The following VAV3 variants were observed in gnomAD, a reference collection of about 807,000 sequenced individuals.
VAV3 encodes vav guanine nucleotide exchange factor 3.
Under a neutral mutation model 131.2 loss-of-function variants are expected in VAV3, and 94 were observed. The ratio of observed to expected loss-of-function variants is 0.72; its 90% confidence interval spans 0.61 to 0.85. The LOEUF (loss-of-function observed/expected upper bound fraction) is 0.85, where lower values mean the gene tolerates loss of function less well. Among genes scored for constraint, VAV3 ranks in the 40% least tolerant of loss-of-function variants. The probability of loss-of-function intolerance (pLI) is 0.00; values close to 1 mark genes in which losing one functional copy is unlikely to be tolerated. For synonymous variants in VAV3, 349 were observed against 342.0 expected, an observed-to-expected ratio of 1.02 and a Z score of -0.22; for missense variants, 939 against 1,002.7, an observed-to-expected ratio of 0.94 and a Z score of 0.86.
intron 2 of VAV3, among the ~76,000 whole-genome samples, chr1:107,868,654 T>C (rs892580594): frequency 1.3e-5 from 2 of 152,142 alleles, no homozygotes; most frequent in East Asian, 1.9e-4. Context: ...TGCTGCAAAA[T>C]AGGTTCTGGG....
intron 19 of VAV3, among the ~76,000 whole-genome samples, chr1:107,673,426 T>C (rs980751922): frequency 1.4e-4 from 22 of 152,312 alleles, no homozygotes; most frequent in Admixed American, 1.4e-3. Flanking sequence ...CTTGGAGCTG[T>C]TCCCTCTGCC....
At chr1:107,916,874 G>A (rs1672647883) in intron 1 of VAV3, among the ~76,000 whole-genome samples, 1 of 152,266 alleles carries the variant, frequency 6.6e-6, no homozygotes, top group Middle Eastern at 3.4e-3. Context: ...AGAATCAGGG[G>A]CCACAAATGA....
Position 107,571,589 on chromosome 1 carries a change from C to T in VAV3, c.*1742G>A, listed in dbSNP as rs1032126686. 2 of 152,514 alleles carry T rather than the reference C, an allele frequency of 1.3e-5. No homozygotes were observed. The highest frequency in any genetic ancestry group is 2.9e-5 in the Non-Finnish European group (2 of 68,042). The allele number at this position is 152,514 out of a possible 1,614,324, so 9.4% of individuals were successfully genotyped here. ...CTGACGGCAACAGACAAAACATTCC[C>T]GAGACAGAGTCGCAGATAAGACTTT... On this transcript the variant is annotated 3_prime_UTR_variant, in exon 27 of 27. Transcript: ENST00000370056.
chr1:107,697,342 C>T (rs960471307), intron 17 of VAV3, among the ~76,000 whole-genome samples: 1 of 152,094 alleles, frequency 6.6e-6, no homozygotes, highest in African/African-American at 2.4e-5. Flanking sequence ...TTACCGGTCT[C>T]TCAAAATCTT....
rs770938438 is a variant in VAV3, at chr1:107,749,611, G to C, written c.1260-17C>G. On this transcript the variant is annotated splice_polypyrimidine_tract_variant and intron_variant, in intron 13 of 26. Coordinates refer to ENST00000370056, the MANE Select transcript of VAV3 (RefSeq NM_006113.5). ...AAGATATGCCTGGGAAAAAGAGATT[G>C]ATTGATTGATTTTAAATGGTTTAGA... The C allele has an allele frequency of 1.2e-6, 2 of 1,606,024 alleles. No homozygotes were observed. Among genetic ancestry groups the C allele is most frequent in the Non-Finnish European group, 8.5e-7 (1 of 1,178,110 alleles).
intron 1 of VAV3, among the ~76,000 whole-genome samples, chr1:107,916,276 G>A (rs1672616279): frequency 1.3e-5 from 2 of 152,268 alleles, no homozygotes; most frequent in South Asian, 2.1e-4. Context: ...AAGAATAGAA[G>A]CATACTGTTC....
chr1:107,922,881 G>A (rs1258365093), intron 1 of VAV3, among the ~76,000 whole-genome samples: 8 of 151,594 alleles, frequency 5.3e-5, no homozygotes, highest in Non-Finnish European at 7.4e-5. Context: ...GAACCCGGGA[G>A]GCGGAGCTTG....
chr1:107,885,576 T>C (rs978641809), intron 1 of VAV3, among the ~76,000 whole-genome samples: 1 of 152,142 alleles, frequency 6.6e-6, no homozygotes, highest in Admixed American at 6.5e-5. Context: ...TATCTACAAA[T>C]GTAGGAGGTA....
At chr1:107,817,631 C>T (rs1346034004) in intron 2 of VAV3, among the ~76,000 whole-genome samples, 1 of 151,950 alleles carries the variant, frequency 6.6e-6, no homozygotes, top group Non-Finnish European at 1.5e-5. Context: ...TAAGTGATGC[C>T]CAGCAATGGC....
At chr1:107,951,672 C>G (rs1241776775) in intron 1 of VAV3, among the ~76,000 whole-genome samples, 1 of 151,890 alleles carries the variant, frequency 6.6e-6, no homozygotes, top group Non-Finnish European at 1.5e-5. Context: ...CATGAGTAGA[C>G]AATTCTCAAA....
At chr1:107,634,748 T>A (rs911766771) in intron 20 of VAV3, among the ~76,000 whole-genome samples, 9 of 150,960 alleles carry the variant, frequency 6.0e-5, no homozygotes, top group South Asian at 2.1e-4. Context: ...ATATCCAGAA[T>A]CTACAATGAA....
At position 107,673,036 on chromosome 1, in the gene VAV3, G is replaced by A. The variant is rs557973466; in HGVS notation, c.1777+10452C>T. ...GACCCAGATATTGTACCTCTATGAC[G>A]CCATTGTTAAATAATAATCAGCCAT... On this transcript the variant is annotated intron_variant, in intron 19 of 26. Coordinates refer to ENST00000370056, the MANE Select transcript of VAV3 (RefSeq NM_006113.5). Among the ~76,000 whole-genome samples, 8 of 152,166 alleles carry A rather than the reference G, an allele frequency of 5.3e-5. No individual in the cohort carries two copies. In the East Asian group the frequency reaches 7.7e-4, roughly 15 times the overall value.
rs752487364 is a variant in VAV3, at chr1:107,688,395, G to A, written c.1717C>T (p.Leu573Phe). ...GRVNSGEQGT[L>F]KLPEKRTNGL... ...GTTAATCTTACCTCTGGTAGTTTGAGTGTCCCTTGTTCTGAAAGAAATGTA... is the reference window on the plus strand; with the variant it reads ...GTTAATCTTACCTCTGGTAGTTTGAATGTCCCTTGTTCTGAAAGAAATGTA... Residue 573 changes from leucine to phenylalanine, a missense_variant, in exon 18 of 27, where the codon CTC becomes TTC. Physicochemically the swap from Leu to Phe is conservative, Grantham distance 22. Transcript: ENST00000370056. The A allele has an allele frequency of 1.2e-5, 19 of 1,613,260 alleles. No individual in the cohort carries two copies. Among genetic ancestry groups the A allele is most frequent in the Middle Eastern group, 1.7e-4 (1 of 6,056 alleles).
Position 107,729,356 on chromosome 1 carries a change from G to A in VAV3, c.1502+19612C>T, listed in dbSNP as rs551795606. Among the ~76,000 whole-genome samples, 3 of 152,266 alleles carry A rather than the reference G, an allele frequency of 2.0e-5. No homozygotes were observed. In the South Asian group the frequency reaches 6.2e-4, roughly 32 times the overall value. ...AAGGCAAATTTGGTATATGATAATA[G>A]ATGAGAGAATTGTGTTTCTGGTTGC... is the stretch of plus-strand genomic sequence containing the variant. On this transcript the variant is annotated intron_variant, in intron 15 of 26. Coordinates refer to ENST00000370056, the MANE Select transcript of VAV3 (RefSeq NM_006113.5).
chr1:107,582,681 C>T (rs11185138), intron 25 of VAV3, among the ~76,000 whole-genome samples: 29,398 of 151,004 alleles, frequency 0.19, 3,157 homozygotes, highest in South Asian at 0.31. Context: ...TTTGTTCTCG[C>T]GATAGTTTAC....
intron 1 of VAV3, among the ~76,000 whole-genome samples, chr1:107,948,072 G>C (rs1047191497): frequency 6.6e-6 from 1 of 152,146 alleles, no homozygotes; most frequent in African/African-American, 2.4e-5. Flanking sequence ...CTAAGTTTTG[G>C]ATAGCTGTGG....
At chr1:107,682,203 G>C (rs1033356631) in intron 19 of VAV3, among the ~76,000 whole-genome samples, 1 of 151,924 alleles carries the variant, frequency 6.6e-6, no homozygotes, top group African/African-American at 2.4e-5. Flanking sequence ...GGCTATAAAT[G>C]GTTGAGTCAA....
intron 6 of VAV3, among the ~76,000 whole-genome samples, chr1:107,769,037 G>C (rs1182804751): frequency 1.3e-5 from 2 of 152,044 alleles, no homozygotes; most frequent in Non-Finnish European, 2.9e-5. Context: ...AAATAATCTT[G>C]TGCTCCACTC....
intron 25 of VAV3, among the ~76,000 whole-genome samples, chr1:107,591,801 A>G (rs1297196871): frequency 6.6e-6 from 1 of 152,166 alleles, no homozygotes; most frequent in Non-Finnish European, 1.5e-5. Context: ...TTGAGAATAA[A>G]TTGCAGACAT....
Sources: allele counts gnomAD v4.1 joint callset (sites outside exome capture counted in the v4.1 genomes callset), GRCh38; gene constraint gnomAD v4.1.1; transcripts MANE v1.5; gene names NCBI Gene and HGNC (gene_info 2026-07-23, HGNC 2026-07-21).